The following DPP10 variants were observed in gnomAD, a reference collection of about 807,000 sequenced individuals.
The protein encoded by DPP10 is dipeptidyl peptidase like 10.
A neutral mutation model predicts 120.9 loss-of-function variants in DPP10; 33 were observed. The ratio of observed to expected loss-of-function variants is 0.27; its 90% confidence interval spans 0.21 to 0.37. The LOEUF (loss-of-function observed/expected upper bound fraction) is 0.37, where lower values mean the gene tolerates loss of function less well. Ranked by LOEUF, DPP10 falls within the 10% of genes least tolerant of loss-of-function variation. DPP10 has a pLI of 1.00. For synonymous variants in DPP10, 337 were observed against 326.1 expected (o/e 1.03, Z -0.36); for missense variants, 816 against 942.8 (o/e 0.87, Z 1.76).
At chr2:115,065,819 T>TA (rs1706792038) in intron 1 of DPP10, among the ~76,000 whole-genome samples, 1 of 152,216 alleles carries the variant, frequency 6.6e-6, no homozygotes, top group South Asian at 2.1e-4. Context: ...ATTTTACATT[T>TA]TTATCATTGT....
At chr2:114,870,471 T>A (rs1690599204) in intron 1 of DPP10, among the ~76,000 whole-genome samples, 1 of 151,762 alleles carries the variant, frequency 6.6e-6, no homozygotes, top group South Asian at 2.1e-4. Flanking sequence ...CATTTAGTAA[T>A]AAATTATTTT....
chr2:115,153,162 T>G (rs1441018901), intron 1 of DPP10, among the ~76,000 whole-genome samples: 1 of 152,202 alleles, frequency 6.6e-6, no homozygotes, highest in Non-Finnish European at 1.5e-5. Context: ...ATGCTTGTCC[T>G]TTGCTCCAGA....
chr2:114,748,347 T>TC (rs1558698708), intron 1 of DPP10, among the ~76,000 whole-genome samples: 1 of 128,356 alleles, frequency 7.8e-6, no homozygotes, highest in African/African-American at 3.1e-5. Flanking sequence ...TCTTTTTTTT[T>TC]TTTATTTTTT....
intron 5 of DPP10, among the ~76,000 whole-genome samples, chr2:115,657,726 A>G (rs1277508582): frequency 6.6e-6 from 1 of 152,000 alleles, no homozygotes; most frequent in African/African-American, 2.4e-5. Flanking sequence ...CGCAATTTTA[A>G]AAATAAAAAT....
At position 115,372,927 on chromosome 2, in the gene DPP10, C is replaced by T. The variant is rs953799417; in HGVS notation, c.271+29015C>T. ...AAACACAATCAAGACATAATATCTA[C>T]CTTCCCTCAAGGAATTTATGGAAAA... On this transcript the variant is annotated intron_variant, in intron 3 of 25. Transcript: ENST00000410059. Among the ~76,000 whole-genome samples, 4 of 152,296 alleles carry T rather than the reference C, an allele frequency of 2.6e-5. No individual in the cohort carries two copies. In the South Asian group the frequency reaches 8.3e-4, roughly 32 times the overall value.
chr2:115,551,826 A>G (rs1314871338), intron 5 of DPP10, among the ~76,000 whole-genome samples: 2 of 152,132 alleles, frequency 1.3e-5, no homozygotes, highest in East Asian at 3.9e-4. Flanking sequence ...ACCTACAACA[A>G]CTAGAAATCT....
At chr2:115,138,104 A>T (rs1045613895) in intron 1 of DPP10, among the ~76,000 whole-genome samples, 5 of 152,200 alleles carry the variant, frequency 3.3e-5, no homozygotes, top group African/African-American at 1.2e-4. Context: ...TCCAAAAGTT[A>T]TATGCACAGA....
intron 5 of DPP10, among the ~76,000 whole-genome samples, chr2:115,555,347 C>G (rs756130307): frequency 1.3e-5 from 2 of 151,898 alleles, no homozygotes; most frequent in Non-Finnish European, 2.9e-5. Flanking sequence ...GCATTGGAAC[C>G]ACACAGAAAA....
In DPP10 at chr2:114,871,553, A is replaced by G. The variant is rs1316857933; in HGVS notation, c.60+428715A>G. On this transcript the variant is annotated intron_variant, in intron 1 of 25. Transcript: ENST00000410059. ...AACTTCTACTTTGAAAGATTAAAAA[A>G]TGCTAACCCATTATACTTTGAGTTC... Among the ~76,000 whole-genome samples the G allele has an allele frequency of 3.3e-5, 5 of 152,354 alleles. No homozygotes were observed. In the East Asian group the frequency reaches 9.6e-4, roughly 29 times the overall value.
intron 1 of DPP10, among the ~76,000 whole-genome samples, chr2:115,118,792 T>TGTGTGTG: frequency 3.7e-5 from 5 of 133,402 alleles, no homozygotes; most frequent in Admixed American, 7.7e-5. Context: ...TGTGTGTGTG[T>TGTGTGTG]TTAGTAGAGA....
intron 1 of DPP10, among the ~76,000 whole-genome samples, chr2:115,252,200 G>T (rs761669081): frequency 2.0e-5 from 3 of 151,964 alleles, no homozygotes; most frequent in African/African-American, 4.8e-5. Flanking sequence ...AGATACTCTC[G>T]TGAATTTCAT....
chr2:114,993,932 C>T (rs1700918484), intron 1 of DPP10, among the ~76,000 whole-genome samples: 2 of 152,086 alleles, frequency 1.3e-5, no homozygotes, highest in African/African-American at 2.4e-5. Flanking sequence ...CTTGAATAGC[C>T]TTTCCGTCAT....
At chr2:114,810,371 T>A (rs950829611) in intron 1 of DPP10, among the ~76,000 whole-genome samples, 2 of 152,150 alleles carry the variant, frequency 1.3e-5, no homozygotes, top group African/African-American at 4.8e-5. Flanking sequence ...TCTGGAGAAG[T>A]TTAAATGTAA....
intron 1 of DPP10, among the ~76,000 whole-genome samples, chr2:115,099,751 AGT>A (rs139776261): frequency 1.4e-3 from 217 of 152,244 alleles, no homozygotes; most frequent in African/African-American, 4.8e-3. Context: ...GGGTCCCCTC[AGT>A]GTGTTATTTC....
At chr2:115,000,979 A>G (rs1701402037) in intron 1 of DPP10, among the ~76,000 whole-genome samples, 1 of 152,304 alleles carries the variant, frequency 6.6e-6, no homozygotes, top group Admixed American at 6.5e-5. Flanking sequence ...CGTATATCAG[A>G]TCTTGGTTCT....
intron 1 of DPP10, among the ~76,000 whole-genome samples, chr2:115,180,488 C>G (rs1463583752): frequency 1.3e-5 from 2 of 152,100 alleles, no homozygotes; most frequent in Non-Finnish European, 2.9e-5. Flanking sequence ...CAAACCTCTT[C>G]CTTTTGTGAA....
At chr2:114,809,710 C>T (rs1263686089) in intron 1 of DPP10, among the ~76,000 whole-genome samples, 6 of 152,116 alleles carry the variant, frequency 3.9e-5, no homozygotes, top group Non-Finnish European at 8.8e-5. Flanking sequence ...TGTCTCAGCT[C>T]AACTGAGTGC....
intron 3 of DPP10, among the ~76,000 whole-genome samples, chr2:115,396,855 A>G (rs2067715479): frequency 6.6e-6 from 1 of 152,188 alleles, no homozygotes; most frequent in Non-Finnish European, 1.5e-5. Context: ...AAACGAACCA[A>G]GGAAACTACC....
chr2:115,247,581 A>G (rs2058589473), intron 1 of DPP10, among the ~76,000 whole-genome samples: 1 of 152,168 alleles, frequency 6.6e-6, no homozygotes, highest in Non-Finnish European at 1.5e-5. Flanking sequence ...AACATCACAC[A>G]ACTGATGGAT....
Sources: allele counts gnomAD v4.1 joint callset (sites outside exome capture counted in the v4.1 genomes callset), GRCh38; gene constraint gnomAD v4.1.1; transcripts MANE v1.5; gene names NCBI Gene and HGNC (gene_info 2026-07-23, HGNC 2026-07-21).